Variants in NCKAP5 observed in about 807,000 individuals in gnomAD.
The protein encoded by NCKAP5 is NCK associated protein 5, also known as nck-associated protein 5.
A neutral mutation model predicts 167.0 loss-of-function variants in NCKAP5; 92 were observed. The ratio of observed to expected loss-of-function variants is 0.55; its 90% CI spans 0.47 to 0.66. The LOEUF is 0.66. Ranked by LOEUF, NCKAP5 falls within the 30% of genes least tolerant of loss-of-function variation. The pLI is 0.00. For synonymous variants in NCKAP5, 891 were observed against 877.4 expected (o/e 1.02, Z -0.27); for missense variants, 2,378 against 2,315.0 (o/e 1.03, Z -0.56).
intron 3 of NCKAP5, among the ~76,000 whole-genome samples, chr2:133,351,109 C>T (rs1043289155): frequency 1.2e-4 from 18 of 152,096 alleles, no homozygotes; most frequent in African/African-American, 4.1e-4. Context: ...ATCACATCCC[C>T]GGAGCCAGCA....
At chr2:133,617,550 A>T in the NCKAP5 span, among the ~76,000 whole-genome samples, 60,999 of 129,064 alleles carry the variant, frequency 0.47, 15,869 homozygotes, top group Middle Eastern at 0.71. Context: ...ACTCCCATTC[A>T]CAATTGCTTC....
At chr2:133,041,984 A>G (rs944726760) in intron 6 of NCKAP5, among the ~76,000 whole-genome samples, 1 of 152,138 alleles carries the variant, frequency 6.6e-6, no homozygotes, top group African/African-American at 2.4e-5. Flanking sequence ...AGAATACCAT[A>G]TTGCTGCTAT....
intron 10 of NCKAP5, among the ~76,000 whole-genome samples, chr2:132,862,911 T>A (rs1405086359): frequency 6.6e-6 from 1 of 151,996 alleles, no homozygotes; most frequent in Admixed American, 6.5e-5. Flanking sequence ...AACCTCCACC[T>A]CCCGGGTTCA....
chr2:133,482,224 T>C (rs1680515981), intron 3 of NCKAP5, among the ~76,000 whole-genome samples: 1 of 150,946 alleles, frequency 6.6e-6, no homozygotes, highest in African/African-American at 2.5e-5. Context: ...TTTTTTCTTT[T>C]TCTTTTTCTT....
intron 6 of NCKAP5, among the ~76,000 whole-genome samples, chr2:133,078,237 A>G (rs908618525): frequency 1.3e-5 from 2 of 152,212 alleles, no homozygotes; most frequent in African/African-American, 2.4e-5. Flanking sequence ...GTCAGGACAC[A>G]TAAATAAAAT....
chr2:132,802,904 C>T (rs1181941359), intron 11 of NCKAP5, among the ~76,000 whole-genome samples: 1 of 152,174 alleles, frequency 6.6e-6, no homozygotes, highest in Non-Finnish European at 1.5e-5. Flanking sequence ...AGAATCCCAT[C>T]AAGAGAGATT....
intron 5 of NCKAP5, among the ~76,000 whole-genome samples, chr2:133,202,575 GA>G (rs2085745843): frequency 6.6e-6 from 1 of 152,080 alleles, no homozygotes; most frequent in Non-Finnish European, 1.5e-5. Context: ...CACAGCAAAG[GA>G]AACTACCATC....
At chr2:132,920,806 T>TATATATATATAC (rs1695362945) in intron 8 of NCKAP5, among the ~76,000 whole-genome samples, 1 of 111,464 alleles carries the variant, frequency 9.0e-6, no homozygotes, top group African/African-American at 3.6e-5. Flanking sequence ...TATATATATA[T>TATATATATATAC]ATATATATAT....
intron 3 of NCKAP5, among the ~76,000 whole-genome samples, chr2:133,396,469 T>C (rs1440869830): frequency 6.6e-6 from 1 of 152,126 alleles, no homozygotes; most frequent in African/African-American, 2.4e-5. Context: ...CAACATAGAA[T>C]TCAAGGGTAT....
chr2:132,790,652 C>G (rs1352445890), intron 12 of NCKAP5, among the ~76,000 whole-genome samples: 2 of 152,174 alleles, frequency 1.3e-5, no homozygotes, highest in Admixed American at 6.5e-5. Context: ...ATGATAATTA[C>G]GGGCAGACTT....
intron 4 of NCKAP5, among the ~76,000 whole-genome samples, chr2:133,286,692 G>T (rs1047962999): frequency 5.9e-5 from 9 of 152,090 alleles, no homozygotes; most frequent in Admixed American, 5.9e-4. Context: ...ATGTCAAGAG[G>T]AAAACTCACA....
At chr2:132,846,589 C>A (rs1688681785) in intron 11 of NCKAP5, among the ~76,000 whole-genome samples, 1 of 152,154 alleles carries the variant, frequency 6.6e-6, no homozygotes, top group East Asian at 1.9e-4. Flanking sequence ...ACAGGTGTGA[C>A]TCACTATGCC....
chr2:133,654,182 G>A, the NCKAP5 span, among the ~76,000 whole-genome samples: 1 of 151,976 alleles, frequency 6.6e-6, no homozygotes, highest in African/African-American at 2.4e-5. Context: ...AGGAGTTCGA[G>A]ACCAGCCTGG....
chr2:132,884,008 A>G (rs1278890559), intron 8 of NCKAP5, among the ~76,000 whole-genome samples: 2 of 152,190 alleles, frequency 1.3e-5, no homozygotes, highest in Non-Finnish European at 2.9e-5. Context: ...TGCCATTTTG[A>G]TCAAGGTCAG....
intron 6 of NCKAP5, among the ~76,000 whole-genome samples, chr2:133,072,567 G>C (rs1234480455): frequency 6.6e-6 from 1 of 152,164 alleles, no homozygotes; most frequent in Non-Finnish European, 1.5e-5. Context: ...AAAGTCGTGA[G>C]TTCTTCAAGA....
intron 19 of NCKAP5, among the ~76,000 whole-genome samples, chr2:132,676,041 A>C (rs1045079508): frequency 6.6e-6 from 1 of 152,122 alleles, no homozygotes; most frequent in African/African-American, 2.4e-5. Flanking sequence ...TCAGCTCAGG[A>C]GTATGTGCTG....
At chr2:133,582,595 A>T in the NCKAP5 span, among the ~76,000 whole-genome samples, 1 of 152,348 alleles carries the variant, frequency 6.6e-6, no homozygotes, top group South Asian at 2.1e-4. Flanking sequence ...GCAGTTCGGC[A>T]GACATCCAAA....
intron 6 of NCKAP5, chr2:133,118,180 A>T (rs1345439081): frequency 6.6e-6 from 1 of 152,030 alleles, no homozygotes; most frequent in Non-Finnish European, 1.5e-5. Flanking sequence ...TTATTTTCAC[A>T]TGTAACTCTT....
chr2:133,325,885 A>AC (rs1295932963), intron 3 of NCKAP5, among the ~76,000 whole-genome samples: 1 of 151,974 alleles, frequency 6.6e-6, no homozygotes, highest in Admixed American at 6.6e-5. Flanking sequence ...TTTGGATATG[A>AC]CCCCCCTCTT....
Sources: gnomAD v4.1 joint callset for allele counts (sites outside exome capture counted in the v4.1 genomes callset) on GRCh38, gnomAD v4.1.1 for gene constraint, MANE v1.5 for transcripts, NCBI Gene and HGNC (gene_info 2026-07-23, HGNC 2026-07-21) for gene names.